Variants in NSUN6 observed in about 807,000 individuals in gnomAD.
NSUN6 encodes tRNA (cytosine(72)-C(5))-methyltransferase NSUN6.
Under a neutral mutation model 58.0 loss-of-function variants are expected in NSUN6, and 64 were observed. The observed-to-expected ratio is 1.10, with a 90% confidence interval of 0.90 to 1.36. The LOEUF is 1.36. NSUN6 is among the 40% of genes most tolerant of loss of function. NSUN6 has a pLI of 0.00. For missense variants in NSUN6, 701 were observed against 550.1 expected (o/e 1.27, Z -2.74); for synonymous variants, 231 against 193.9 (o/e 1.19, Z -1.59).
At chr10:18,575,186 C>T (rs894091630) in intron 8 of NSUN6, among the ~76,000 whole-genome samples, 40 of 152,150 alleles carry the variant, frequency 2.6e-4, no homozygotes, top group African/African-American at 9.4e-4. Flanking sequence ...TGACATAATT[C>T]TCAGAGTTTA....
At chr10:18,595,649 A>AT (rs2057555823) in intron 7 of NSUN6, among the ~76,000 whole-genome samples, 1 of 152,196 alleles carries the variant, frequency 6.6e-6, no homozygotes, top group African/African-American at 2.4e-5. Flanking sequence ...TCTAATGAGT[A>AT]TTACATTCCT....
chr10:18,628,872 G>A lies in NSUN6; in HGVS notation c.312-12579C>T, dbSNP rs145582784. On this transcript the variant is annotated intron_variant, in intron 3 of 10. Coordinates refer to ENST00000377304, the MANE Select transcript of NSUN6 (RefSeq NM_182543.5). ...AGAACTTCCCCACTCTAGCAAGGCA[G>A]GCCAACATTCAGATTCAGGAAATAC... is the stretch of plus-strand genomic sequence containing the variant. Among the ~76,000 whole-genome samples, 2,870 of 152,190 alleles carry A rather than the reference G, an allele frequency of 0.019. 409 individuals are homozygous for A. In the East Asian group the frequency reaches 0.38, roughly 20 times the overall value.
chr10:18,606,280 G>C (rs1052488162), intron 6 of NSUN6, among the ~76,000 whole-genome samples: 4 of 151,952 alleles, frequency 2.6e-5, no homozygotes, highest in African/African-American at 9.7e-5. Flanking sequence ...TCATCTCTGT[G>C]GTATTCTTCT....
intron 8 of NSUN6, among the ~76,000 whole-genome samples, chr10:18,552,426 A>G (rs550761499): frequency 6.6e-6 from 1 of 152,128 alleles, no homozygotes; most frequent in African/African-American, 2.4e-5. Flanking sequence ...GAGAATGGCT[A>G]TGGTCTAGAA....
chr10:18,580,508 G>A (rs1008400469), intron 8 of NSUN6, among the ~76,000 whole-genome samples: 16 of 152,126 alleles, frequency 1.1e-4, no homozygotes, highest in African/African-American at 3.6e-4. Context: ...CCAGAGAACT[G>A]GGGGCTATCT....
intron 3 of NSUN6, among the ~76,000 whole-genome samples, chr10:18,630,142 T>A: frequency 7.6e-6 from 1 of 131,586 alleles, no homozygotes; most frequent in Non-Finnish European, 1.6e-5. Context: ...AACAACCTGC[T>A]CCTGAATGAC....
chr10:18,655,339 C>A (rs2059765611), upstream of NSUN6: 1 of 153,828 alleles, frequency 6.5e-6, no homozygotes, highest in Non-Finnish European at 1.4e-5. Flanking sequence ...TATTAAAGTT[C>A]TTTTCACTTC....
chr10:18,611,225 A>G (rs1466738512), intron 5 of NSUN6, among the ~76,000 whole-genome samples: 4 of 152,148 alleles, frequency 2.6e-5, no homozygotes, highest in Non-Finnish European at 4.4e-5. Flanking sequence ...TTTAAAAATC[A>G]TAACTTATAC....
chr10:18,625,677 C>G (rs1236876783), intron 3 of NSUN6, among the ~76,000 whole-genome samples: 1 of 133,232 alleles, frequency 7.5e-6, no homozygotes, highest in South Asian at 2.4e-4. Context: ...CGCGCCACTG[C>G]ACTCCAGCCT....
intron 3 of NSUN6, among the ~76,000 whole-genome samples, chr10:18,627,596 C>G (rs1047033251): frequency 6.6e-6 from 1 of 152,156 alleles, no homozygotes; most frequent in African/African-American, 2.4e-5. Context: ...TTGCCTCACT[C>G]GGGAAGCACA....
chr10:18,619,035 G>C (rs866093591), intron 3 of NSUN6, among the ~76,000 whole-genome samples: 22 of 152,130 alleles, frequency 1.4e-4, no homozygotes, highest in Middle Eastern at 3.2e-3. Context: ...TGTTTTTATA[G>C]TCTATGCCAG....
intron 3 of NSUN6, among the ~76,000 whole-genome samples, chr10:18,637,662 C>A (rs1028572245): frequency 4.6e-5 from 7 of 152,102 alleles, no homozygotes; most frequent in South Asian, 2.1e-4. Flanking sequence ...TTATGCAAGT[C>A]CACAAATATT....
chr10:18,625,629 C>T (rs573718965), intron 3 of NSUN6, among the ~76,000 whole-genome samples: 1 of 144,214 alleles, frequency 6.9e-6, no homozygotes, highest in East Asian at 2.1e-4. Flanking sequence ...AGGAGAATCA[C>T]TTGAATCCGG....
chr10:18,596,321 G>T lies in NSUN6; in HGVS notation c.664C>A (p.Pro222Thr), dbSNP rs867156853. ...AGTACATGACTTACTAAGGCAGATG[G>T]CAAATTCTATAAGGAAAAAAATGTA... is the stretch of plus-strand genomic sequence containing the variant. ...LPRYLFLQNL[P>T]SALVSHVLNP... The change falls in exon 7 of 11, where the codon CCA (proline) becomes ACA (threonine). Residue 222 changes from proline (P) to threonine (T), a missense_variant. Physicochemically the swap from Pro to Thr is conservative, Grantham distance 38. Coordinates refer to ENST00000377304, the MANE Select transcript of NSUN6 (RefSeq NM_182543.5). The T allele has an allele frequency of 1.3e-6, 2 of 1,571,610 alleles. No individual in the cohort carries two copies. Among genetic ancestry groups the T allele is most frequent in the Non-Finnish European group, 1.8e-6 (2 of 1,142,098 alleles).
intron 8 of NSUN6, among the ~76,000 whole-genome samples, chr10:18,577,995 C>T (rs2056736541): frequency 6.6e-6 from 1 of 152,222 alleles, no homozygotes; most frequent in South Asian, 2.1e-4. Context: ...CTTACCATTG[C>T]TCCATCTGTA....
chr10:18,588,980 G>A (rs770527298), intron 7 of NSUN6, among the ~76,000 whole-genome samples: 1 of 152,148 alleles, frequency 6.6e-6, no homozygotes, highest in East Asian at 1.9e-4. Context: ...CTGAGCTAAA[G>A]GAGCATGTTC....
intron 3 of NSUN6, among the ~76,000 whole-genome samples, chr10:18,627,756 T>C (rs1163267729): frequency 1.3e-5 from 2 of 152,244 alleles, no homozygotes; most frequent in Non-Finnish European, 2.9e-5. Context: ...CGGAGGGTCC[T>C]ACGCCCACGG....
chr10:18,600,941 A>AAAAAAATATATATAT (rs1487679670), intron 6 of NSUN6, among the ~76,000 whole-genome samples: 12 of 43,524 alleles, frequency 2.8e-4, no homozygotes, highest in African/African-American at 8.8e-4. Context: ...AAAAAAAAAA[A>AAAAAAATATATATAT]ATATATATAT....
At chr10:18,631,413 G>T (rs28775935) in intron 3 of NSUN6, among the ~76,000 whole-genome samples, 7,254 of 141,578 alleles carry the variant, frequency 0.051, 284 homozygotes, top group Non-Finnish European at 0.08. Context: ...GGGCAATTAG[G>T]CAGGAGAAGG....
Sources: gnomAD v4.1 joint callset for allele counts (sites outside exome capture counted in the v4.1 genomes callset) on GRCh38, gnomAD v4.1.1 for gene constraint, MANE v1.5 for transcripts, NCBI Gene and HGNC (gene_info 2026-07-23, HGNC 2026-07-21) for gene names.